CSGALNACT1: variants seen among roughly 807,000 people sequenced by gnomAD.
The protein encoded by CSGALNACT1 is chondroitin sulfate N-acetylgalactosaminyltransferase 1, also known as beta4GalNAcT-1.
Under a neutral mutation model 51.0 loss-of-function variants are expected in CSGALNACT1, and 52 were observed. The ratio of observed to expected loss-of-function variants is 1.02; its 90% CI spans 0.82 to 1.29. CSGALNACT1 has a LOEUF of 1.29. CSGALNACT1 is among the 50% of genes most tolerant of loss of function. CSGALNACT1 has a pLI of 0.00. For missense variants in CSGALNACT1, 935 were observed against 679.2 expected, an observed-to-expected ratio of 1.38 and a Z score of -4.19; for synonymous variants, 341 against 254.4, an observed-to-expected ratio of 1.34 and a Z score of -3.24.
At chr8:19,737,366 A>G (rs1381179669) in intron 1 of CSGALNACT1, among the ~76,000 whole-genome samples, 2 of 152,212 alleles carry the variant, frequency 1.3e-5, no homozygotes, top group Admixed American at 1.3e-4. Context: ...TTAGTACAAT[A>G]GCAATAATAT....
chr8:19,419,072 C>T (rs2153693762), intron 7 of CSGALNACT1, among the ~76,000 whole-genome samples: 1 of 152,286 alleles, frequency 6.6e-6, no homozygotes, highest in East Asian at 1.9e-4. Context: ...TCTCAAACTC[C>T]TGATCTCAAA....
At chr8:19,670,006 G>T (rs1478137063) in intron 1 of CSGALNACT1, among the ~76,000 whole-genome samples, 1 of 151,860 alleles carries the variant, frequency 6.6e-6, no homozygotes, top group Non-Finnish European at 1.5e-5. Context: ...TTTCCACCTG[G>T]AATTCTTCAA....
intron 3 of CSGALNACT1, among the ~76,000 whole-genome samples, chr8:19,540,024 G>A (rs1348046542): frequency 2.6e-5 from 4 of 152,148 alleles, no homozygotes; most frequent in Non-Finnish European, 4.4e-5. Flanking sequence ...GTTACCCAAA[G>A]ACACAGAGAG....
At chr8:19,585,286 G>A (rs1422232250) in intron 3 of CSGALNACT1, 1 of 152,218 alleles carries the variant, frequency 6.6e-6, no homozygotes, top group Non-Finnish European at 1.5e-5. Context: ...CTTGCTGGTT[G>A]AGTTGACACT....
intron 6 of CSGALNACT1, among the ~76,000 whole-genome samples, chr8:19,425,577 GA>G (rs1226889442): frequency 6.6e-6 from 1 of 152,168 alleles, no homozygotes; most frequent in Admixed American, 6.5e-5. Context: ...AGCCTCACAA[GA>G]GTGGAAGCAT....
At position 19,549,459 on chromosome 8, in the gene CSGALNACT1, TGATA is replaced by T. The variant is rs377056515; in HGVS notation, c.-297+41697_-297+41700del. Among the ~76,000 whole-genome samples, 699 of 152,208 alleles carry T rather than the reference TGATA, an allele frequency of 4.6e-3. 5 individuals carry two copies. Among genetic ancestry groups the T allele is most frequent in the African/African-American group, 0.016 (651 of 41,540 alleles). On this transcript the variant is annotated intron_variant, in intron 3 of 9. Coordinates refer to ENST00000454498, the Ensembl canonical transcript of CSGALNACT1. The stretch of plus-strand genomic sequence containing the variant: ...ACACTCTAACACAGAACTAGAAAAC[TGATA>T]GATAAACAATTAGGTACTTTTTCCA...
chr8:19,702,891 A>C (rs1248674616), intron 1 of CSGALNACT1, among the ~76,000 whole-genome samples: 2 of 150,844 alleles, frequency 1.3e-5, no homozygotes, highest in Non-Finnish European at 3.0e-5. Context: ...CCCCCCACCC[A>C]GTAGCCCCCA....
chr8:19,697,426 A>T (rs2061639985), intron 1 of CSGALNACT1, among the ~76,000 whole-genome samples: 2 of 152,194 alleles, frequency 1.3e-5, no homozygotes, highest in Admixed American at 1.3e-4. Flanking sequence ...GGGGCTGTTC[A>T]GGGAAAATGT....
intron 3 of CSGALNACT1, among the ~76,000 whole-genome samples, chr8:19,516,416 C>G (rs2079536085): frequency 6.6e-6 from 1 of 152,164 alleles, no homozygotes; most frequent in South Asian, 2.1e-4. Flanking sequence ...GCTCCTCATT[C>G]TACACCCAGC....
upstream of CSGALNACT1, among the ~76,000 whole-genome samples, chr8:19,606,599 A>G (rs1230438626): frequency 6.6e-6 from 1 of 152,204 alleles, no homozygotes; most frequent in Non-Finnish European, 1.5e-5. Flanking sequence ...CAAATGAAAA[A>G]GAGGATCTTG....
chr8:19,574,365 C>A (rs1214177128), intron 3 of CSGALNACT1, among the ~76,000 whole-genome samples: 1 of 152,236 alleles, frequency 6.6e-6, no homozygotes, highest in Non-Finnish European at 1.5e-5. Context: ...TCCACAGCCT[C>A]TTGGAATCTG....
chr8:19,503,738 C>T (rs2076816443), intron 4 of CSGALNACT1, among the ~76,000 whole-genome samples: 2 of 151,674 alleles, frequency 1.3e-5, no homozygotes, highest in South Asian at 4.2e-4. Context: ...TACAGGTTAG[C>T]TCCTGAACAT....
chr8:19,429,344 T>C (rs777508514), intron 6 of CSGALNACT1, among the ~76,000 whole-genome samples: 4 of 152,090 alleles, frequency 2.6e-5, no homozygotes, highest in Non-Finnish European at 5.9e-5. Flanking sequence ...ACCTGGCTAA[T>C]TTTTATATTT....
intron 1 of CSGALNACT1, among the ~76,000 whole-genome samples, chr8:19,633,880 C>A (rs1364463967): frequency 2.0e-5 from 3 of 152,168 alleles, no homozygotes; most frequent in Admixed American, 1.3e-4. Context: ...TGGTGGCATG[C>A]AAAGCTCTTC....
At chr8:19,492,475 T>A (rs1168313933) in intron 4 of CSGALNACT1, among the ~76,000 whole-genome samples, 1 of 152,232 alleles carries the variant, frequency 6.6e-6, no homozygotes, top group Non-Finnish European at 1.5e-5. Context: ...TTTACTAATG[T>A]CTAGTATGAA....
chr8:19,557,388 T>C (rs1043814338), intron 3 of CSGALNACT1, among the ~76,000 whole-genome samples: 4 of 152,206 alleles, frequency 2.6e-5, no homozygotes, highest in African/African-American at 7.2e-5. Flanking sequence ...GATTTTGTTA[T>C]GTTCCAGCTC....
chr8:19,415,305 A>G (rs2056659435), intron 8 of CSGALNACT1, among the ~76,000 whole-genome samples: 1 of 152,262 alleles, frequency 6.6e-6, no homozygotes. Context: ...TGGTTTGTCC[A>G]GTAAAAAACA....
intron 3 of CSGALNACT1, among the ~76,000 whole-genome samples, chr8:19,586,405 T>TGAAAAAAAAAAAAAAAAAAAAA (rs1327765713): frequency 7.9e-6 from 1 of 126,908 alleles, no homozygotes; most frequent in Non-Finnish European, 1.6e-5. Flanking sequence ...CGTAGTCTTA[T>TGAAAAAAAAAAAAAAAAAAAAA]AGAAAAAAAA....
intron 1 of CSGALNACT1, among the ~76,000 whole-genome samples, chr8:19,749,574 G>A (rs993017006): frequency 4.6e-5 from 7 of 152,032 alleles, no homozygotes; most frequent in South Asian, 2.1e-4. Flanking sequence ...CAAACAAGGC[G>A]GCTCAGTATC....
Sources: gnomAD v4.1 joint callset for allele counts (sites outside exome capture counted in the v4.1 genomes callset) on GRCh38, gnomAD v4.1.1 for gene constraint, MANE v1.5 for transcripts, NCBI Gene and HGNC (gene_info 2026-07-23, HGNC 2026-07-21) for gene names.